Variants in WDR44 observed in about 807,000 individuals in gnomAD.
The protein encoded by WDR44 is WD repeat-containing protein 44.
Under a neutral mutation model 65.7 loss-of-function variants are expected in WDR44, and 9 were observed. The ratio of observed to expected loss-of-function variants is 0.14; its 90% CI spans 0.08 to 0.24. The LOEUF is 0.24. Among genes scored for constraint, WDR44 ranks in the 10% least tolerant of loss-of-function variants. The probability of loss-of-function intolerance (pLI) is 1.00; values close to 1 mark genes in which losing one functional copy is unlikely to be tolerated. For synonymous variants in WDR44, 220 were observed against 235.2 expected (o/e 0.94, Z 0.59); for missense variants, 425 against 670.9 (o/e 0.63, Z 4.05).
intron 3 of WDR44, among the ~76,000 whole-genome samples, chrX:118,390,137 G>A (rs1280250172): frequency 9.1e-6 from 1 of 110,068 alleles, no homozygotes; most frequent in Admixed American, 9.9e-5. Context: ...GGCCAGGCTG[G>A]TTTTGAACTC....
At position 118,441,570 on chromosome X, in the gene WDR44, G is replaced by GT. The variant is rs376714219; in HGVS notation, c.2166+17dup. ...TTCTATGATACAGAGGTAAATGATT[G>GT]TTTTTTGTAAATTATATAATTGTAT... On this transcript the variant is annotated intron_variant, in intron 15 of 19. Coordinates refer to ENST00000254029, the MANE Select transcript of WDR44 (RefSeq NM_019045.5). The GT allele has an allele frequency of 1.2e-5, 14 of 1,179,805 alleles. No homozygotes were observed. The highest frequency in any genetic ancestry group is 5.3e-5 in the African/African-American group (3 of 56,989).
intron 3 of WDR44, among the ~76,000 whole-genome samples, chrX:118,392,220 A>G (rs1458256104): frequency 1.8e-5 from 2 of 112,182 alleles, no homozygotes; most frequent in African/African-American, 6.5e-5. Context: ...TTAGGCTGGT[A>G]TTACAACAAG....
intron 12 of WDR44, among the ~76,000 whole-genome samples, chrX:118,427,632 C>T (rs918140646): frequency 3.3e-4 from 36 of 108,639 alleles, no homozygotes; most frequent in African/African-American, 1.1e-3. Flanking sequence ...CTGCTCTAGC[C>T]GTCTCAGTAC....
At chrX:118,439,157 C>T (rs1389858360) in intron 14 of WDR44, among the ~76,000 whole-genome samples, 2 of 110,042 alleles carry the variant, frequency 1.8e-5, no homozygotes, top group African/African-American at 6.6e-5. Context: ...TTCTAAAAAT[C>T]GTACTGACCT....
chrX:118,367,056 A>G lies in WDR44; in HGVS notation c.78-11363A>G, dbSNP rs1240658742. On this transcript the variant is annotated intron_variant, in intron 1 of 19. Transcript: ENST00000254029. ...AGCCGAGATCACGCCACTGCACCCCAGCCTGGGCAACAGAGCAAGACTCCG... is the reference window on the plus strand; with the variant it reads ...AGCCGAGATCACGCCACTGCACCCCGGCCTGGGCAACAGAGCAAGACTCCG... Among the ~76,000 whole-genome samples the G allele has an allele frequency of 8.2e-5, 9 of 109,819 alleles. No homozygotes were observed. The South Asian group carries it at 3.5e-3, about 43-fold the overall frequency.
intron 12 of WDR44, among the ~76,000 whole-genome samples, chrX:118,424,281 A>G (rs866466372): frequency 2.2e-3 from 206 of 92,736 alleles, no homozygotes; most frequent in African/African-American, 6.8e-3. Flanking sequence ...ATATATATAT[A>G]TGTGTGTGTG....
In WDR44 at chrX:118,386,449, A is replaced by G. The variant is rs747921534; in HGVS notation, c.112-891A>G. 6 of 349,249 alleles carry G rather than the reference A, an allele frequency of 1.7e-5. No homozygotes were observed. The East Asian group carries it at 3.4e-4, about 20-fold the overall frequency. The allele number at this position is 349,249 out of a possible 1,213,427, so 28.8% of individuals were successfully genotyped here. The stretch of plus-strand genomic sequence containing the variant: ...TGTGTATATAAATGTATACGTAGAT[A>G]TATATGTATTTTTGGTGGGTTTAAT... On this transcript the variant is annotated intron_variant, in intron 2 of 19. Coordinates refer to ENST00000254029, the MANE Select transcript of WDR44 (RefSeq NM_019045.5).
At chrX:118,426,289 A>G in intron 12 of WDR44, among the ~76,000 whole-genome samples, 1 of 111,808 alleles carries the variant, frequency 8.9e-6, no homozygotes, top group South Asian at 3.7e-4. Context: ...GAAGACTGAT[A>G]AAGTAGGTAA....
chrX:118,391,920 A>G (rs1348618000), intron 3 of WDR44, among the ~76,000 whole-genome samples: 1 of 111,964 alleles, frequency 8.9e-6, no homozygotes, highest in Admixed American at 9.5e-5. Flanking sequence ...CAGAGGTTGC[A>G]GTGAGCCAAG....
rs2057162756 is a variant in WDR44 at position 118,427,003 on chromosome X, T to C, written c.1738-5778T>C. ...TCCTTAAATTGTTTTCAAAGACTAT[T>C]TAATGATGTTAAAAATGGTCACAAT... On this transcript the variant is annotated intron_variant, in intron 12 of 19. Transcript: ENST00000254029. Among the ~76,000 whole-genome samples the C allele has an allele frequency of 2.7e-5, 3 of 111,906 alleles. No homozygotes were observed. The South Asian group carries it at 1.1e-3, about 41-fold the overall frequency.
chrX:118,445,177 C>T (rs900895731), intron 19 of WDR44: 3 of 222,036 alleles, frequency 1.4e-5, no homozygotes, highest in Admixed American at 6.2e-5. Flanking sequence ...TGCCTGTAAT[C>T]CTAGCTACTC....
chrX:118,430,377 A>G (rs2057198975), intron 12 of WDR44, among the ~76,000 whole-genome samples: 1 of 104,909 alleles, frequency 9.5e-6, no homozygotes, highest in Admixed American at 1.0e-4. Context: ...CGCCGTCTCT[A>G]CCAAAAATAC....
At chrX:118,441,921 T>C (rs2057307669) in intron 15 of WDR44, among the ~76,000 whole-genome samples, 1 of 111,147 alleles carries the variant, frequency 9.0e-6, no homozygotes, top group Non-Finnish European at 1.9e-5. Flanking sequence ...TTGTATTTTT[T>C]GGTAGAGATG....
chrX:118,370,558 G>T (rs758154063), intron 1 of WDR44, among the ~76,000 whole-genome samples: 1 of 110,257 alleles, frequency 9.1e-6, no homozygotes, highest in East Asian at 2.8e-4. Flanking sequence ...TTCTTGTACA[G>T]CCTGCAAAAC....
At chrX:118,435,670 A>C in intron 13 of WDR44, among the ~76,000 whole-genome samples, 1 of 112,922 alleles carries the variant, frequency 8.9e-6, no homozygotes, top group African/African-American at 3.2e-5. Context: ...AGGAAATTAT[A>C]ATGCAAACTG....
At position 118,378,405 on chromosome X, in the gene WDR44, T is replaced by C; in HGVS notation, c.78-14T>C. 2 of 1,205,588 alleles carry C rather than the reference T, an allele frequency of 1.7e-6. No individual in the cohort carries two copies. The highest frequency in any genetic ancestry group is 2.2e-6 in the Non-Finnish European group (2 of 891,165). The stretch of plus-strand genomic sequence containing the variant: ...TCCTCTATTCAACACCTCCTTACTT[T>C]TATTTCTGAACAGGTCTCCAGGAAA... On this transcript the variant is annotated splice_polypyrimidine_tract_variant and intron_variant, in intron 1 of 19. Coordinates refer to ENST00000254029, the MANE Select transcript of WDR44 (RefSeq NM_019045.5).
At chrX:118,420,705 CT>C (rs2057097726) in intron 12 of WDR44, among the ~76,000 whole-genome samples, 2 of 112,492 alleles carry the variant, frequency 1.8e-5, no homozygotes, top group Middle Eastern at 9.3e-3. Flanking sequence ...ACTATAAACA[CT>C]TTCACTTTCA....
chrX:118,442,225 A>G lies in WDR44; in HGVS notation c.2167-19A>G. ...CATGCTCCTAATTCTAATATGTTAA[A>G]TGTATGGTTTATTTTTAGCATTTGA... is the stretch of plus-strand genomic sequence containing the variant. On this transcript the variant is annotated intron_variant, in intron 15 of 19. Transcript: ENST00000254029. The G allele has an allele frequency of 8.6e-7, 1 of 1,161,541 alleles. No homozygotes were observed. Among genetic ancestry groups the G allele is most frequent in the Non-Finnish European group, 1.2e-6 (1 of 850,798 alleles).
In WDR44 at chrX:118,445,044, C is replaced by A. The variant is rs764742932; in HGVS notation, c.2647+550C>A. The A allele has an allele frequency of 2.5e-5, 8 of 321,110 alleles. No individual in the cohort carries two copies. The East Asian group carries it at 8.1e-4, about 33-fold the overall frequency. 26.5% of individuals were successfully genotyped at this position (321,110 alleles called of 1,213,427 possible). On this transcript the variant is annotated intron_variant, in intron 19 of 19. Transcript: ENST00000254029. ...GGTGCGGTGGCTCACACCTGTAATC[C>A]CAGCACTTTGGGAGGCCAAGGCAGA...
Sources: gnomAD v4.1 joint callset for allele counts (sites outside exome capture counted in the v4.1 genomes callset) on GRCh38, gnomAD v4.1.1 for gene constraint, MANE v1.5 for transcripts, NCBI Gene and HGNC (gene_info 2026-07-23, HGNC 2026-07-21) for gene names.